Variants in MAP3K15 observed in about 807,000 individuals in gnomAD.
MAP3K15 encodes mitogen-activated protein kinase kinase kinase 15.
A neutral mutation model predicts 99.5 loss-of-function variants in MAP3K15; 124 were observed. That is an observed-to-expected ratio of 1.25 (90% CI 1.08 to 1.45). The LOEUF (loss-of-function observed/expected upper bound fraction) is 1.45, where lower values mean the gene tolerates loss of function less well. MAP3K15 is among the 40% of genes most tolerant of loss of function. The pLI, the probability that MAP3K15 is intolerant of heterozygous loss-of-function variation, is 0.00. For synonymous variants in MAP3K15, 494 were observed against 439.6 expected, an observed-to-expected ratio of 1.12 and a Z score of -1.55; for missense variants, 1,242 against 1,079.7, an observed-to-expected ratio of 1.15 and a Z score of -2.11.
Position 19,512,303 on chromosome X carries a change from A to G in MAP3K15, c.361+2598T>C, listed in dbSNP as rs768196573. Among the ~76,000 whole-genome samples, 4 of 111,857 alleles carry G rather than the reference A, an allele frequency of 3.6e-5. No individual in the cohort carries two copies. In the East Asian group the frequency reaches 1.1e-3, roughly 31 times the overall value. On this transcript the variant is annotated intron_variant, in intron 1 of 28. Transcript: ENST00000338883. ...TATGTAACAAACCTGCACGTTCAGC[A>G]CATGTATCCCAGAACTTAAAGTTAA...
intron 1 of MAP3K15, among the ~76,000 whole-genome samples, chrX:19,490,184 CAT>C (rs1491301120): frequency 0.02 from 2,099 of 103,473 alleles, 31 homozygotes; most frequent in Non-Finnish European, 0.032. Flanking sequence ...CACACACACA[CAT>C]ACATACAAAA....
intron 18 of MAP3K15, among the ~76,000 whole-genome samples, chrX:19,390,859 C>A (rs1356394688): frequency 9.0e-6 from 1 of 110,546 alleles, no homozygotes; most frequent in Non-Finnish European, 1.9e-5. Flanking sequence ...TTCCATCAAG[C>A]AAGATCTTTG....
intron 6 of MAP3K15, 78 bp from the exon 7 acceptor site, chrX:19,431,686 C>A (rs1211964649): frequency 2.2e-6 from 2 of 909,080 alleles, no homozygotes. Flanking sequence ...TGGCTCCCAC[C>A]TGTAATCCCA....
chrX:19,399,935 G>C (rs760760362), intron 14 of MAP3K15, among the ~76,000 whole-genome samples: 25 of 110,562 alleles, frequency 2.3e-4, no homozygotes, highest in African/African-American at 8.2e-4. Flanking sequence ...AAGAATTCTA[G>C]TAGTTAACTC....
chrX:19,447,883 CAAAAAAAAA>C lies in MAP3K15; in HGVS notation c.995+9021_995+9029del, dbSNP rs753152404. Among the ~76,000 whole-genome samples the C allele has an allele frequency of 1.8e-3, 48 of 25,969 alleles. 3 individuals carry two copies. In the South Asian group the frequency reaches 0.27, roughly 144 times the overall value. 22.6% of individuals were successfully genotyped at this position (25,969 alleles called of 115,157 possible). A position where few individuals can be genotyped will look rare whatever the true frequency, so the allele number is the denominator to read the frequency against. On this transcript the variant is annotated intron_variant, in intron 6 of 28. Coordinates refer to ENST00000338883, the MANE Select transcript of MAP3K15 (RefSeq NM_001001671.4). ...TGGGCGACAGAGCGAGACTCCGTCT[CAAAAAAAAA>C]AAAAAAAAAAAAAGAAACCCACGAA...
chrX:19,427,437 C>T lies in MAP3K15; in HGVS notation c.1167-1094G>A, dbSNP rs186959922. Among the ~76,000 whole-genome samples the T allele has an allele frequency of 6.0e-3, 665 of 111,330 alleles. 6 individuals carry two copies. The highest frequency in any genetic ancestry group is 0.02 in the African/African-American group (609 of 30,695). On this transcript the variant is annotated intron_variant, in intron 7 of 28. Coordinates refer to ENST00000338883, the MANE Select transcript of MAP3K15 (RefSeq NM_001001671.4). ...TTTTAACAATATGGAGTTGTTTTTT[C>T]ATGCAGGAAGCCGTATTGCCAAAAT...
intron 6 of MAP3K15, among the ~76,000 whole-genome samples, chrX:19,434,394 T>C (rs2063907001): frequency 9.8e-6 from 1 of 101,642 alleles, no homozygotes; most frequent in Admixed American, 1.0e-4. Context: ...CCAGCTAATT[T>C]TTTAATTTTT....
chrX:19,382,991 T>G (rs1011451951), intron 18 of MAP3K15, among the ~76,000 whole-genome samples: 1 of 111,777 alleles, frequency 8.9e-6, no homozygotes, highest in Non-Finnish European at 1.9e-5. Context: ...AGCGGAGACC[T>G]GCTGTGTGCT....
At chrX:19,504,802 A>G (rs1464270479) in intron 1 of MAP3K15, among the ~76,000 whole-genome samples, 2 of 110,467 alleles carry the variant, frequency 1.8e-5, no homozygotes, top group African/African-American at 3.3e-5. Flanking sequence ...TGTCTGTACA[A>G]AAAACTAGCC....
Position 19,486,507 on chromosome X carries a change from T to C in MAP3K15, c.502-2A>G. The C allele has an allele frequency of 1.1e-6, 1 of 888,998 alleles. No homozygotes were observed. Among genetic ancestry groups the C allele is most frequent in the Admixed American group, 3.5e-5 (1 of 28,173 alleles). The allele number at this position is 888,998 out of a possible 1,213,427, so 73.3% of individuals were successfully genotyped here. A position where few individuals can be genotyped will look rare whatever the true frequency, so the allele number is the denominator to read the frequency against. The stretch of plus-strand genomic sequence containing the variant: ...TGTGTTTTTTTGAGTTACCATGTCC[T>C]GAAAAGAAAAAGAAAAGATGAATAT... On this transcript the variant is annotated splice_acceptor_variant, in intron 2 of 28. Coordinates refer to ENST00000338883, the MANE Select transcript of MAP3K15 (RefSeq NM_001001671.4). LOFTEE classifies it high-confidence loss of function.
chrX:19,443,384 C>T lies in MAP3K15; in HGVS notation c.996-11776G>A, dbSNP rs148004463. Reference sequence around the variant, plus strand: ...CTACTCTGTGGGTGGCACAATGTTACTAGGCACTGGCTATATCACGGCCTA... The same window carrying T: ...CTACTCTGTGGGTGGCACAATGTTATTAGGCACTGGCTATATCACGGCCTA... On this transcript the variant is annotated intron_variant, in intron 6 of 28. Coordinates refer to ENST00000338883, the MANE Select transcript of MAP3K15 (RefSeq NM_001001671.4). 1.4e-3 allele frequency among the ~76,000 whole-genome samples: 152 copies of T among 111,702 alleles called. 2 individuals are homozygous for T. The highest frequency in any genetic ancestry group is 3.6e-3 in the African/African-American group (111 of 30,777).
chrX:19,367,048 T>C (rs770815874), intron 25 of MAP3K15, among the ~76,000 whole-genome samples: 2 of 112,246 alleles, frequency 1.8e-5, no homozygotes, highest in African/African-American at 6.5e-5. Context: ...TATATGTTCA[T>C]TGCAGCACTA....
chrX:19,433,761 C>T (rs184732979), intron 6 of MAP3K15, among the ~76,000 whole-genome samples: 1 of 111,879 alleles, frequency 8.9e-6, no homozygotes, highest in South Asian at 3.7e-4. Context: ...AACAGGTACC[C>T]ATCCTGACCC....
intron 12 of MAP3K15, among the ~76,000 whole-genome samples, chrX:19,408,257 C>T (rs5955774): frequency 0.23 from 25,823 of 111,152 alleles, 5,909 homozygotes; most frequent in African/African-American, 0.71. Context: ...TAAATCCCCA[C>T]TGATGGCTGA....
At chrX:19,417,224 C>T (rs763732732) in intron 9 of MAP3K15, among the ~76,000 whole-genome samples, 3 of 112,389 alleles carry the variant, frequency 2.7e-5, no homozygotes, top group Admixed American at 1.9e-4. Flanking sequence ...GCGCACCAAG[C>T]GTGAGCTAAA....
At chrX:19,464,793 A>G (rs1944476105) in intron 3 of MAP3K15, among the ~76,000 whole-genome samples, 1 of 111,994 alleles carries the variant, frequency 8.9e-6, no homozygotes, top group East Asian at 2.8e-4. Flanking sequence ...ATAGATGAAA[A>G]AGGCATATTA....
chrX:19,391,674 C>CAAAAAAAAAAAAAAAAAAAAAAAAAAAAA (rs759061873), intron 18 of MAP3K15, among the ~76,000 whole-genome samples: 2 of 28,537 alleles, frequency 7.0e-5, no homozygotes, highest in African/African-American at 2.1e-4. Context: ...GACCCCGTCT[C>CAAAAAAAAAAAAAAAAAAAAAAAAAAAAA]AAAAAAAAAA....
At chrX:19,417,353 G>A (rs190610568) in intron 9 of MAP3K15, among the ~76,000 whole-genome samples, 3,665 of 111,958 alleles carry the variant, frequency 0.033, 149 homozygotes, top group African/African-American at 0.11. Flanking sequence ...CCCTAATACT[G>A]CGCTTTTCCA....
At chrX:19,490,133 G>T (rs2064357487) in intron 1 of MAP3K15, among the ~76,000 whole-genome samples, 1 of 93,226 alleles carries the variant, frequency 1.1e-5, no homozygotes, top group African/African-American at 4.4e-5. Context: ...GGCATGTATA[G>T]GCATTATACA....
Sources: gnomAD v4.1 joint callset for allele counts (sites outside exome capture counted in the v4.1 genomes callset) on GRCh38, gnomAD v4.1.1 for gene constraint, MANE v1.5 for transcripts, NCBI Gene and HGNC (gene_info 2026-07-23, HGNC 2026-07-21) for gene names.